SRD5A2: variants seen among roughly 807,000 people sequenced by gnomAD.
SRD5A2 encodes 3-oxo-5-alpha-steroid 4-dehydrogenase 2.
Under a neutral mutation model 27.4 loss-of-function variants are expected in SRD5A2, and 30 were observed. The ratio of observed to expected loss-of-function variants is 1.10; its 90% CI spans 0.82 to 1.49. The LOEUF (loss-of-function observed/expected upper bound fraction) is 1.49, where lower values mean the gene tolerates loss of function less well. Ranked by LOEUF, SRD5A2 falls within the 40% of genes most tolerant of loss-of-function variation. The pLI is 0.00. For missense variants in SRD5A2, 348 were observed against 323.4 expected (o/e 1.08, Z -0.58); for synonymous variants, 141 against 133.6 (o/e 1.06, Z -0.38).
the SRD5A2 span, among the ~76,000 whole-genome samples, chr2:31,656,448 T>G: frequency 6.6e-6 from 1 of 152,198 alleles, no homozygotes; most frequent in Non-Finnish European, 1.5e-5. Flanking sequence ...AATATTCATG[T>G]TGAAACTGAA....
At chr2:31,634,901 T>C in the SRD5A2 span, among the ~76,000 whole-genome samples, 1 of 152,202 alleles carries the variant, frequency 6.6e-6, no homozygotes, top group African/African-American at 2.4e-5. Flanking sequence ...TTCCATTGGG[T>C]ATATGTAGCA....
intron 1 of SRD5A2, among the ~76,000 whole-genome samples, chr2:31,574,510 T>C (rs940244641): frequency 2.0e-5 from 3 of 152,212 alleles, no homozygotes; most frequent in African/African-American, 7.2e-5. Context: ...AAAAGTGAAG[T>C]GGTCACGATC....
the SRD5A2 span, among the ~76,000 whole-genome samples, chr2:31,599,940 G>A: frequency 1.3e-5 from 1 of 74,302 alleles, no homozygotes; most frequent in Non-Finnish European, 3.0e-5. Context: ...CGGGTATTAA[G>A]CCTACTACCC....
At chr2:31,584,625 T>C (rs982573428), upstream of SRD5A2, among the ~76,000 whole-genome samples, 2 of 151,988 alleles carry the variant, frequency 1.3e-5, no homozygotes, top group African/African-American at 4.8e-5. Context: ...GATAATTCAC[T>C]AAAAAAAATT....
the SRD5A2 span, among the ~76,000 whole-genome samples, chr2:31,661,825 C>T: frequency 6.6e-6 from 1 of 152,116 alleles, no homozygotes; most frequent in Non-Finnish European, 1.5e-5. Context: ...TCCCATAGAT[C>T]ACTTGGACTC....
At chr2:31,584,351 C>G (rs1204416034), upstream of SRD5A2, among the ~76,000 whole-genome samples, 1 of 152,186 alleles carries the variant, frequency 6.6e-6, no homozygotes, top group Non-Finnish European at 1.5e-5. Context: ...CAGTCCAACA[C>G]TGTTTAAAGG....
At chr2:31,551,890 A>G (rs1192844325) in intron 1 of SRD5A2, among the ~76,000 whole-genome samples, 1 of 152,148 alleles carries the variant, frequency 6.6e-6, no homozygotes, top group Non-Finnish European at 1.5e-5. Flanking sequence ...ATAGAGCCAT[A>G]AAAATAGGCT....
At chr2:31,566,247 G>C (rs894329439) in intron 1 of SRD5A2, among the ~76,000 whole-genome samples, 2 of 152,036 alleles carry the variant, frequency 1.3e-5, no homozygotes, top group East Asian at 3.8e-4. Flanking sequence ...GCTCATATTA[G>C]AAGAAAGAGA....
chr2:31,553,932 G>T (rs1666436317), intron 1 of SRD5A2, among the ~76,000 whole-genome samples: 1 of 152,150 alleles, frequency 6.6e-6, no homozygotes, highest in Non-Finnish European at 1.5e-5. Flanking sequence ...GGACAAAGGA[G>T]TAGTAAGTTT....
At chr2:31,588,734 A>T in the SRD5A2 span, among the ~76,000 whole-genome samples, 1 of 152,224 alleles carries the variant, frequency 6.6e-6, no homozygotes, top group East Asian at 1.9e-4. Context: ...TAGTAAGTAC[A>T]CAGAAAAACA....
chr2:31,587,698 G>A, the SRD5A2 span, among the ~76,000 whole-genome samples: 2 of 152,122 alleles, frequency 1.3e-5, no homozygotes, highest in Admixed American at 1.3e-4. Context: ...GTTGAACAAT[G>A]AGAACACATG....
At chr2:31,574,395 G>C (rs1309548373) in intron 1 of SRD5A2, among the ~76,000 whole-genome samples, 1 of 152,198 alleles carries the variant, frequency 6.6e-6, no homozygotes. Context: ...TTGCCAGTCT[G>C]AATCCTTGAA....
the SRD5A2 span, among the ~76,000 whole-genome samples, chr2:31,588,216 C>G: frequency 1.3e-5 from 2 of 152,080 alleles, no homozygotes; most frequent in Non-Finnish European, 2.9e-5. Context: ...GGGCTAATAA[C>G]AGAAAACTTC....
chr2:31,596,365 G>A, the SRD5A2 span, among the ~76,000 whole-genome samples: 1 of 144,270 alleles, frequency 6.9e-6, no homozygotes, highest in South Asian at 2.3e-4. Flanking sequence ...TCCAGCCTGG[G>A]TGACAGAGCA....
At chr2:31,622,770 G>A in the SRD5A2 span, among the ~76,000 whole-genome samples, 381 of 152,196 alleles carry the variant, frequency 2.5e-3, 2 homozygotes, top group African/African-American at 7.5e-3. Context: ...GGGAAGTGCT[G>A]TGGCACTTCT....
chr2:31,660,764 G>T, the SRD5A2 span, among the ~76,000 whole-genome samples: 1 of 151,868 alleles, frequency 6.6e-6, no homozygotes, highest in Non-Finnish European at 1.5e-5. Flanking sequence ...CAAAACATTG[G>T]AAGCTATCTA....
chr2:31,533,522 G>T, intron 2 of SRD5A2, 81 bp downstream of exon 2: 1 of 1,322,154 alleles, frequency 7.6e-7, no homozygotes, highest in Non-Finnish European at 1.1e-6. Context: ...GGTCATTGCA[G>T]TAGGGAGAGG....
In SRD5A2 at chr2:31,540,668, G is replaced by A. The variant is rs573991769; in HGVS notation, c.282-6902C>T. 3.9e-5 allele frequency among the ~76,000 whole-genome samples: 6 copies of A among 152,314 alleles called. No individual in the cohort carries two copies. In the South Asian group the frequency reaches 1.2e-3, roughly 32 times the overall value. ...GAAATCTGGAGTCTATTGAAGGCTT[G>A]CAACTTTCAGGGAAACATTTGGATG... On this transcript the variant is annotated intron_variant, in intron 1 of 4. Transcript: ENST00000622030.
At chr2:31,639,620 C>A in the SRD5A2 span, among the ~76,000 whole-genome samples, 1 of 151,932 alleles carries the variant, frequency 6.6e-6, no homozygotes, top group Non-Finnish European at 1.5e-5. Context: ...GATACCATTT[C>A]TCACATGGCA....
Sources: allele counts gnomAD v4.1 joint callset (sites outside exome capture counted in the v4.1 genomes callset), GRCh38; gene constraint gnomAD v4.1.1; transcripts MANE v1.5; gene names NCBI Gene and HGNC (gene_info 2026-07-23, HGNC 2026-07-21).